TENM2: variants seen among roughly 807,000 people sequenced by gnomAD.
The protein encoded by TENM2 is teneurin-2.
TENM2 carries 52 observed loss-of-function variants against 245.2 expected under a neutral mutation model. The ratio of observed to expected loss-of-function variants is 0.21; its 90% CI spans 0.17 to 0.27. The LOEUF is 0.27. Ranked by LOEUF, TENM2 falls within the 10% of genes least tolerant of loss-of-function variation. The probability of loss-of-function intolerance (pLI) is 1.00; values close to 1 mark genes in which losing one functional copy is unlikely to be tolerated. For missense variants in TENM2, 3,046 were observed against 3,666.8 expected (o/e 0.83, Z 4.37); for synonymous variants, 1,363 against 1,438.9 (o/e 0.95, Z 1.19).
chr5:166,990,572 T>C, the TENM2 span, among the ~76,000 whole-genome samples: 1 of 152,174 alleles, frequency 6.6e-6, no homozygotes, highest in Non-Finnish European at 1.5e-5. Context: ...GAAATATTAA[T>C]GATAATGATG....
At chr5:168,203,103 C>A (rs563214421) in intron 17 of TENM2, among the ~76,000 whole-genome samples, 1 of 152,200 alleles carries the variant, frequency 6.6e-6, no homozygotes, top group Non-Finnish European at 1.5e-5. Flanking sequence ...GGATTCTGTT[C>A]CCCATTGAAT....
chr5:167,374,252 AC>A (rs1320156016), intron 1 of TENM2, among the ~76,000 whole-genome samples: 1 of 152,208 alleles, frequency 6.6e-6, no homozygotes, highest in African/African-American at 2.4e-5. Flanking sequence ...CCACTATGTT[AC>A]TTTGCCTACA....
intron 2 of TENM2, among the ~76,000 whole-genome samples, chr5:167,706,432 T>C (rs929635263): frequency 6.0e-5 from 9 of 150,280 alleles, no homozygotes; most frequent in Non-Finnish European, 8.9e-5. Flanking sequence ...TGTACATATA[T>C]ATAAGAAAAT....
At chr5:167,907,024 G>A (rs1009846808) in intron 3 of TENM2, among the ~76,000 whole-genome samples, 4 of 152,098 alleles carry the variant, frequency 2.6e-5, no homozygotes, top group African/African-American at 9.7e-5. Context: ...CCTGAGGTAG[G>A]GAGTTCGAGA....
At chr5:167,688,204 T>C (rs1757201857) in intron 2 of TENM2, among the ~76,000 whole-genome samples, 2 of 152,204 alleles carry the variant, frequency 1.3e-5, no homozygotes, top group Non-Finnish European at 2.9e-5. Context: ...CTTACCCCTC[T>C]GTCATACTGC....
At chr5:168,089,843 G>C (rs994069987) in intron 7 of TENM2, among the ~76,000 whole-genome samples, 1 of 152,144 alleles carries the variant, frequency 6.6e-6, no homozygotes, top group Non-Finnish European at 1.5e-5. Context: ...TTTTGTGTTT[G>C]CTGGGTGCCA....
At chr5:168,144,317 C>T (rs1429305145) in intron 12 of TENM2, among the ~76,000 whole-genome samples, 1 of 152,122 alleles carries the variant, frequency 6.6e-6, no homozygotes, top group African/African-American at 2.4e-5. Flanking sequence ...TCTCCCGATG[C>T]TATCCCTCCC....
chr5:167,785,213 C>T (rs746747134), intron 2 of TENM2, among the ~76,000 whole-genome samples: 2 of 152,196 alleles, frequency 1.3e-5, no homozygotes, highest in African/African-American at 4.8e-5. Flanking sequence ...AGCACACTCT[C>T]ATTTCTGGAT....
chr5:167,390,072 G>C (rs1046348675), intron 2 of TENM2, among the ~76,000 whole-genome samples: 2 of 152,156 alleles, frequency 1.3e-5, no homozygotes, highest in Non-Finnish European at 2.9e-5. Flanking sequence ...TTATACAAAT[G>C]CTTAAAAAGT....
intron 13 of TENM2, among the ~76,000 whole-genome samples, chr5:168,183,690 C>T (rs1373253441): frequency 1.3e-5 from 2 of 151,976 alleles, no homozygotes; most frequent in African/African-American, 4.8e-5. Context: ...TTCACCTCTT[C>T]ATCATTATTA....
At chr5:168,221,219 C>A (rs1056715864) in intron 23 of TENM2, among the ~76,000 whole-genome samples, 1 of 152,124 alleles carries the variant, frequency 6.6e-6, no homozygotes, top group Non-Finnish European at 1.5e-5. Flanking sequence ...GAGTACAAAT[C>A]CCCCTATAGG....
the TENM2 span, among the ~76,000 whole-genome samples, chr5:167,230,915 A>T: frequency 2.0e-5 from 3 of 152,204 alleles, no homozygotes; most frequent in Non-Finnish European, 4.4e-5. Context: ...GAAGGGACCC[A>T]GTGGGAGTAA....
rs73801472 is a variant in TENM2, at chr5:167,980,637, A to C, written c.948-12307A>C. 2.6e-3 allele frequency among the ~76,000 whole-genome samples: 397 copies of C among 152,268 alleles called. 1 individual carries two copies. Among genetic ancestry groups the C allele is most frequent in the African/African-American group, 8.8e-3 (366 of 41,564 alleles). On this transcript the variant is annotated intron_variant, in intron 4 of 28. Transcript: ENST00000518659. ...CAGGATAACTTCTAAGTGTAAAGGAATGGGAAGATTTGAAATATGTTTTGA... is the reference window on the plus strand; with the variant it reads ...CAGGATAACTTCTAAGTGTAAAGGACTGGGAAGATTTGAAATATGTTTTGA...
chr5:167,582,882 T>A (rs939515497), intron 2 of TENM2, among the ~76,000 whole-genome samples: 4 of 152,208 alleles, frequency 2.6e-5, no homozygotes, highest in Non-Finnish European at 5.9e-5. Context: ...TAGAAATGAA[T>A]CATTTCATGA....
At chr5:167,900,786 CTTGA>C (rs1286646110) in intron 3 of TENM2, among the ~76,000 whole-genome samples, 2 of 148,628 alleles carry the variant, frequency 1.3e-5, no homozygotes, top group African/African-American at 5.0e-5. Flanking sequence ...CGTGTCCTGT[CTTGA>C]TTGAAGGCTC....
At chr5:167,559,539 A>C (rs2127637774) in intron 2 of TENM2, among the ~76,000 whole-genome samples, 1 of 152,340 alleles carries the variant, frequency 6.6e-6, no homozygotes, top group Admixed American at 6.5e-5. Flanking sequence ...TACAGTCCTC[A>C]GAACCATCAT....
intron 5 of TENM2, among the ~76,000 whole-genome samples, chr5:168,011,970 A>G (rs1034331270): frequency 3.3e-5 from 5 of 152,222 alleles, no homozygotes; most frequent in Non-Finnish European, 5.9e-5. Context: ...TAACTTATGC[A>G]TAGGCATGCA....
intron 2 of TENM2, among the ~76,000 whole-genome samples, chr5:167,803,532 A>C (rs1765931421): frequency 6.6e-6 from 1 of 152,060 alleles, no homozygotes; most frequent in South Asian, 2.1e-4. Flanking sequence ...GTCGGGAAGC[A>C]CCAAACCTGT....
intron 2 of TENM2, among the ~76,000 whole-genome samples, chr5:167,525,607 A>G (rs947924943): frequency 3.3e-5 from 5 of 152,188 alleles, no homozygotes; most frequent in African/African-American, 9.6e-5. Context: ...GGGTATCGCT[A>G]AAGTCCTATT....
Sources: gnomAD v4.1 joint callset for allele counts (sites outside exome capture counted in the v4.1 genomes callset) on GRCh38, gnomAD v4.1.1 for gene constraint, MANE v1.5 for transcripts, NCBI Gene and HGNC (gene_info 2026-07-23, HGNC 2026-07-21) for gene names.